The following OSBPL1A variants were observed in gnomAD, a reference collection of about 807,000 sequenced individuals.
OSBPL1A encodes oxysterol-binding protein-related protein 1.
A neutral mutation model predicts 137.1 loss-of-function variants in OSBPL1A; 80 were observed. That is an observed-to-expected ratio of 0.58 (90% CI 0.49 to 0.70). The LOEUF is 0.70. OSBPL1A is among the 30% of genes least tolerant of loss of function. OSBPL1A has a pLI of 0.00. For synonymous variants in OSBPL1A, 365 were observed against 389.7 expected (o/e 0.94, Z 0.75); for missense variants, 970 against 1,129.4 (o/e 0.86, Z 2.02).
intron 14 of OSBPL1A, among the ~76,000 whole-genome samples, chr18:24,294,254 T>C (rs1318710051): frequency 2.0e-5 from 3 of 151,748 alleles, no homozygotes; most frequent in African/African-American, 7.3e-5. Flanking sequence ...GTTATTGAGA[T>C]GGAGTCTTGC....
intron 27 of OSBPL1A, among the ~76,000 whole-genome samples, chr18:24,163,730 T>C (rs2086074258): frequency 6.6e-6 from 1 of 151,138 alleles, no homozygotes; most frequent in Non-Finnish European, 1.5e-5. Context: ...CCCTTCAAAC[T>C]CCTTTTTTTT....
At chr18:24,286,024 G>T (rs1337988514) in intron 14 of OSBPL1A, among the ~76,000 whole-genome samples, 1 of 152,170 alleles carries the variant, frequency 6.6e-6, no homozygotes, top group Admixed American at 6.5e-5. Context: ...GGCCATCATG[G>T]CGTGTGCCTG....
chr18:24,269,557 G>T (rs539899707), intron 15 of OSBPL1A, among the ~76,000 whole-genome samples: 1 of 151,954 alleles, frequency 6.6e-6, no homozygotes, highest in East Asian at 1.9e-4. Flanking sequence ...TTTATCAAAT[G>T]ACTCAAAAAA....
intron 1 of OSBPL1A, among the ~76,000 whole-genome samples, chr18:24,378,908 ACT>A (rs572596141): frequency 2.5e-3 from 388 of 152,222 alleles, no homozygotes; most frequent in Middle Eastern, 0.02. Flanking sequence ...GGGCCCACCC[ACT>A]CTCTCAGTTT....
At chr18:24,281,662 A>C (rs947993870) in intron 14 of OSBPL1A, among the ~76,000 whole-genome samples, 2 of 152,218 alleles carry the variant, frequency 1.3e-5, no homozygotes, top group Non-Finnish European at 2.9e-5. Context: ...AAGTGCTGGG[A>C]TTACAGGCGT....
At chr18:24,345,019 T>C (rs2091322553) in intron 4 of OSBPL1A, among the ~76,000 whole-genome samples, 1 of 151,914 alleles carries the variant, frequency 6.6e-6, no homozygotes, top group African/African-American at 2.4e-5. Context: ...TTTGCCATAT[T>C]GCCCAGGCTG....
chr18:24,307,226 T>G (rs997167060), intron 13 of OSBPL1A, among the ~76,000 whole-genome samples: 2 of 152,140 alleles, frequency 1.3e-5, no homozygotes, highest in South Asian at 4.1e-4. Flanking sequence ...AATGCTGCAG[T>G]GAGCTGTGAT....
At chr18:24,239,125 C>T (rs1031318832) in intron 16 of OSBPL1A, 95 bp downstream of exon 16, 23 of 1,444,970 alleles carry the variant, frequency 1.6e-5, no homozygotes, top group Non-Finnish European at 2.1e-5. Context: ...TCTAGGTGAC[C>T]TCTGCTCTAA....
Position 24,377,511 on chromosome 18 carries a change from T to G in OSBPL1A, c.23A>C (p.Gln8Pro). 6.2e-7 allele frequency: 1 copy of G among 1,608,500 alleles called. No individual in the cohort carries two copies. Among genetic ancestry groups the G allele is most frequent in the Non-Finnish European group, 8.5e-7 (1 of 1,178,688 alleles). ...GCCATTTCTGGCGTGATGGAGAAGC[T>G]GTTGCTCCGCTTCTGTGTTCATTTC... MNTEAEQ[Q>P]LLHHARNGNA... The change falls in exon 2 of 28, where the codon CAG becomes CCG. Residue 8 changes from glutamine (Q) to proline (P), a missense_variant. This residue lies in a region of OSBPL1A where 647 missense variants were observed against 672.6 expected (regional missense o/e 0.96). Transcript: ENST00000319481.
intron 2 of OSBPL1A, among the ~76,000 whole-genome samples, chr18:24,375,061 T>C (rs1286588608): frequency 1.3e-5 from 2 of 152,016 alleles, no homozygotes; most frequent in African/African-American, 4.8e-5. Flanking sequence ...ACACCTGTAA[T>C]CCCAACACTT....
chr18:24,179,523 T>C (rs1165555969), intron 20 of OSBPL1A, among the ~76,000 whole-genome samples: 1 of 152,148 alleles, frequency 6.6e-6, no homozygotes, highest in Non-Finnish European at 1.5e-5. Flanking sequence ...TGATCAGGAA[T>C]ACAAAAATCT....
At chr18:24,255,747 A>T (rs1006240628) in intron 15 of OSBPL1A, among the ~76,000 whole-genome samples, 4 of 151,006 alleles carry the variant, frequency 2.6e-5, no homozygotes, top group Non-Finnish European at 5.9e-5. Flanking sequence ...TGTCAAAATA[A>T]ACTTTCTAAT....
chr18:24,244,788 C>T lies in OSBPL1A; in HGVS notation c.1282-5406G>A, dbSNP rs528428112. Among the ~76,000 whole-genome samples, 33 of 152,320 alleles carry T rather than the reference C, an allele frequency of 2.2e-4. No individual in the cohort carries two copies. In the East Asian group the frequency reaches 2.9e-3, roughly 13 times the overall value. On this transcript the variant is annotated intron_variant, in intron 15 of 27. Coordinates refer to ENST00000319481, the MANE Select transcript of OSBPL1A (RefSeq NM_080597.4). ...AAAACAGTCATGTGCTAGCCAGCTA[C>T]GACACATTCACCTACGCTCTCATTC... is the stretch of plus-strand genomic sequence containing the variant.
intron 17 of OSBPL1A, among the ~76,000 whole-genome samples, chr18:24,212,209 A>G (rs1351028771): frequency 1.3e-5 from 2 of 151,710 alleles, no homozygotes. Context: ...CTAGGACTAA[A>G]GGCGCACACC....
At chr18:24,252,661 AC>A (rs1469558439) in intron 15 of OSBPL1A, among the ~76,000 whole-genome samples, 3 of 152,230 alleles carry the variant, frequency 2.0e-5, no homozygotes, top group Non-Finnish European at 4.4e-5. Flanking sequence ...AATAGTAAGC[AC>A]ACAGAAAAAC....
chr18:24,380,728 T>C (rs1189709447), intron 1 of OSBPL1A, among the ~76,000 whole-genome samples: 2 of 152,222 alleles, frequency 1.3e-5, no homozygotes, highest in East Asian at 3.9e-4. Context: ...GAGGCGGGTC[T>C]ATCACCTGAG....
At chr18:24,303,299 C>A (rs2090438863) in intron 14 of OSBPL1A, among the ~76,000 whole-genome samples, 1 of 152,186 alleles carries the variant, frequency 6.6e-6, no homozygotes, top group South Asian at 2.1e-4. Flanking sequence ...CTGCGCCAGG[C>A]CTCAAGCTTT....
At chr18:24,221,766 A>G (rs190162473) in intron 17 of OSBPL1A, among the ~76,000 whole-genome samples, 395 of 152,300 alleles carry the variant, frequency 2.6e-3, no homozygotes, top group Non-Finnish European at 4.0e-3. Context: ...TTTCATTTTC[A>G]GTAAGTTTTA....
chr18:24,169,257 G>A (rs774901681), intron 24 of OSBPL1A, among the ~76,000 whole-genome samples: 6 of 152,294 alleles, frequency 3.9e-5, no homozygotes, highest in South Asian at 2.1e-4. Context: ...GGCTAACTCC[G>A]TCTACAAAGA....
Sources: allele counts gnomAD v4.1 joint callset (sites outside exome capture counted in the v4.1 genomes callset), GRCh38; gene constraint gnomAD v4.1.1; regional missense constraint gnomAD v4.1.1; transcripts MANE v1.5; gene names NCBI Gene and HGNC (gene_info 2026-07-23, HGNC 2026-07-21).